The following EPHA6 variants were observed in gnomAD, a reference collection of about 807,000 sequenced individuals.
EPHA6 encodes ephrin type-A receptor 6.
EPHA6 carries 50 observed loss-of-function variants against 112.0 expected under a neutral mutation model. The observed-to-expected ratio is 0.45, with a 90% confidence interval of 0.36 to 0.56. EPHA6 has a LOEUF of 0.56. Among genes scored for constraint, EPHA6 ranks in the 20% least tolerant of loss-of-function variants. The pLI is 0.00. For synonymous variants in EPHA6, 529 were observed against 490.7 expected (o/e 1.08, Z -1.03); for missense variants, 1,280 against 1,417.4 (o/e 0.90, Z 1.56).
chr3:97,072,505 ACATCTTGATATT>A (rs2046392517), intron 3 of EPHA6, among the ~76,000 whole-genome samples: 1 of 152,110 alleles, frequency 6.6e-6, no homozygotes, highest in African/African-American at 2.4e-5. Context: ...AACCCTGCCT[ACATCTTGATATT>A]GGACTTCTAA....
intron 3 of EPHA6, among the ~76,000 whole-genome samples, chr3:97,019,938 A>G (rs1008624043): frequency 1.3e-5 from 2 of 152,122 alleles, no homozygotes; most frequent in Non-Finnish European, 1.5e-5. Context: ...CCTTGTATTC[A>G]TGCTTTTTCG....
At chr3:97,651,656 A>G (rs1194274895) in intron 14 of EPHA6, among the ~76,000 whole-genome samples, 16 of 152,050 alleles carry the variant, frequency 1.1e-4, no homozygotes, top group Non-Finnish European at 2.9e-5. Flanking sequence ...AGCAACATTC[A>G]GCATTGTCTA....
At chr3:96,853,951 T>G (rs2035541461) in intron 1 of EPHA6, among the ~76,000 whole-genome samples, 1 of 152,018 alleles carries the variant, frequency 6.6e-6, no homozygotes, top group Non-Finnish European at 1.5e-5. Context: ...TTGCAACTAC[T>G]TAAAGATTTT....
chr3:97,124,280 G>T (rs1361358506), intron 3 of EPHA6, among the ~76,000 whole-genome samples: 2 of 151,820 alleles, frequency 1.3e-5, no homozygotes, highest in Non-Finnish European at 1.5e-5. Flanking sequence ...ATGCGTTTCA[G>T]TATTAATCTG....
chr3:96,908,419 G>A (rs998675131), intron 2 of EPHA6, among the ~76,000 whole-genome samples: 12 of 151,962 alleles, frequency 7.9e-5, no homozygotes, highest in African/African-American at 2.7e-4. Flanking sequence ...ACCAGTGATA[G>A]AATATGACAA....
intron 1 of EPHA6, among the ~76,000 whole-genome samples, chr3:96,817,399 C>A (rs754595966): frequency 6.6e-6 from 1 of 151,620 alleles, no homozygotes; most frequent in Non-Finnish European, 1.5e-5. Flanking sequence ...AATAAAGCAT[C>A]TATTTTTAAA....
intron 11 of EPHA6, among the ~76,000 whole-genome samples, chr3:97,565,033 C>T (rs1282423082): frequency 6.6e-6 from 1 of 151,992 alleles, no homozygotes; most frequent in Admixed American, 6.6e-5. Context: ...AATCCATATA[C>T]CAAGGGGAAA....
chr3:96,841,570 G>T (rs1443352866), intron 1 of EPHA6, among the ~76,000 whole-genome samples: 1 of 151,946 alleles, frequency 6.6e-6, no homozygotes, highest in Non-Finnish European at 1.5e-5. Flanking sequence ...CTCTCTAAAG[G>T]CTCACTTTCC....
At chr3:96,997,661 C>A (rs971771126) in intron 3 of EPHA6, among the ~76,000 whole-genome samples, 1 of 151,816 alleles carries the variant, frequency 6.6e-6, no homozygotes, top group Non-Finnish European at 1.5e-5. Flanking sequence ...TGAAAATCAC[C>A]AATCATACAA....
chr3:97,331,599 A>C (rs2082802007), intron 5 of EPHA6, among the ~76,000 whole-genome samples: 1 of 152,228 alleles, frequency 6.6e-6, no homozygotes. Context: ...AACTACCATC[A>C]AAGAATACTA....
intron 11 of EPHA6, among the ~76,000 whole-genome samples, chr3:97,571,142 G>C (rs1235059046): frequency 1.3e-5 from 2 of 152,166 alleles, no homozygotes; most frequent in African/African-American, 4.8e-5. Flanking sequence ...TATCACCTAT[G>C]TCACGGCAAG....
intron 2 of EPHA6, among the ~76,000 whole-genome samples, chr3:96,916,458 C>T (rs552514084): frequency 2.0e-5 from 3 of 152,140 alleles, no homozygotes; most frequent in South Asian, 2.1e-4. Context: ...ACTTACTGAA[C>T]ATCTGGGGAA....
At chr3:97,023,134 A>G (rs1452517801) in intron 3 of EPHA6, among the ~76,000 whole-genome samples, 1 of 152,136 alleles carries the variant, frequency 6.6e-6, no homozygotes, top group Non-Finnish European at 1.5e-5. Flanking sequence ...GCTGGAGTGC[A>G]GTGGCGCGAT....
intron 1 of EPHA6, among the ~76,000 whole-genome samples, chr3:96,826,741 G>C (rs1223821604): frequency 1.3e-5 from 2 of 151,866 alleles, no homozygotes; most frequent in African/African-American, 4.8e-5. Context: ...TCTTTTAATT[G>C]TGTTTATTAC....
chr3:97,384,339 G>A (rs1246076418), intron 5 of EPHA6, among the ~76,000 whole-genome samples: 1 of 152,206 alleles, frequency 6.6e-6, no homozygotes, highest in Admixed American at 6.5e-5. Context: ...CATGACCAGT[G>A]AGAAGCAATG....
At chr3:97,172,063 G>T (rs1472717596) in intron 3 of EPHA6, among the ~76,000 whole-genome samples, 10 of 151,988 alleles carry the variant, frequency 6.6e-5, no homozygotes, top group Non-Finnish European at 1.5e-5. Context: ...TTAATGAAAT[G>T]ATGAGGGGAA....
chr3:96,865,359 C>T (rs2036243604), intron 1 of EPHA6, among the ~76,000 whole-genome samples: 1 of 151,962 alleles, frequency 6.6e-6, no homozygotes, highest in South Asian at 2.1e-4. Flanking sequence ...AAATAACATA[C>T]TCACAATTGC....
intron 3 of EPHA6, among the ~76,000 whole-genome samples, chr3:97,213,761 G>A (rs879810688): frequency 2.0e-5 from 3 of 152,116 alleles, no homozygotes; most frequent in Non-Finnish European, 4.4e-5. Flanking sequence ...TTACAGTTAA[G>A]CGGGAGAAAG....
At chr3:96,858,146 G>A (rs148999621) in intron 1 of EPHA6, among the ~76,000 whole-genome samples, 2 of 152,244 alleles carry the variant, frequency 1.3e-5, no homozygotes, top group South Asian at 2.1e-4. Context: ...AGACTCAAAA[G>A]TTGAAGAAGA....
Sources: gnomAD v4.1 joint callset for allele counts (sites outside exome capture counted in the v4.1 genomes callset) on GRCh38, gnomAD v4.1.1 for gene constraint, MANE v1.5 for transcripts, NCBI Gene and HGNC (gene_info 2026-07-23, HGNC 2026-07-21) for gene names.